Variants in KNG1 observed in about 807,000 individuals in gnomAD.
KNG1 encodes kininogen 1, also known as kininogen-1.
KNG1 carries 23 observed loss-of-function variants against 47.8 expected under a neutral mutation model. The observed-to-expected ratio is 0.48, with a 90% CI of 0.35 to 0.68. The LOEUF (loss-of-function observed/expected upper bound fraction) is 0.68, where lower values mean the gene tolerates loss of function less well. Ranked by LOEUF, KNG1 falls within the 30% of genes least tolerant of loss-of-function variation. KNG1 has a pLI of 0.01. For missense variants in KNG1, 762 were observed against 790.2 expected (o/e 0.96, Z 0.43); for synonymous variants, 277 against 277.0 (o/e 1.00, Z 0.00).
rs1380132765 is a variant in KNG1 at position 186,732,846 on chromosome 3, C to G, written c.930+172C>G. Among the ~76,000 whole-genome samples the G allele has an allele frequency of 5.3e-5, 8 of 152,262 alleles. No homozygotes were observed. The East Asian group carries it at 1.5e-3, about 29-fold the overall frequency. On this transcript the variant is annotated intron_variant, in intron 7 of 9. Coordinates refer to ENST00000644859, the MANE Select transcript of KNG1 (RefSeq NM_001102416.3). ...ATCTCCCTGTATGCTTCATCCCGGA[C>G]AAGTATTTTACAACATTCTCTCTGT...
chr3:186,731,909 T>C (rs1312653167), intron 6 of KNG1, among the ~76,000 whole-genome samples: 1 of 152,248 alleles, frequency 6.6e-6, no homozygotes, highest in Non-Finnish European at 1.5e-5. Context: ...ATCTGGTCTC[T>C]CTTCTCTGTA....
chr3:186,731,691 G>C, intron 6 of KNG1, 62 bp downstream of exon 6: 1 of 1,088,680 alleles, frequency 9.2e-7, no homozygotes, highest in Non-Finnish European at 1.4e-6. Context: ...AACTGGCTGA[G>C]TCTTTTCCTA....
At chr3:186,725,760 G>C (rs896300600) in intron 4 of KNG1, among the ~76,000 whole-genome samples, 1 of 150,496 alleles carries the variant, frequency 6.6e-6, no homozygotes, top group Non-Finnish European at 1.5e-5. Flanking sequence ...CACCATGTTA[G>C]CCAGGATGGT....
At chr3:186,722,643 G>C in intron 3 of KNG1, 122 bp downstream of exon 3, 1 of 791,640 alleles carries the variant, frequency 1.3e-6, no homozygotes, top group South Asian at 1.5e-5. Flanking sequence ...GCCATTTGCA[G>C]AGTTAGGGAG....
chr3:186,735,281 C>T lies in KNG1; in HGVS notation c.930+2607C>T, dbSNP rs142274305. Among the ~76,000 whole-genome samples the T allele has an allele frequency of 2.3e-3, 355 of 151,920 alleles. 4 individuals carry two copies. The highest frequency in any genetic ancestry group is 8.3e-3 in the African/African-American group (345 of 41,444). On this transcript the variant is annotated intron_variant, in intron 7 of 9. Transcript: ENST00000644859. Reference sequence around the variant, plus strand: ...CAGGAGGATCACTTGAGCCCAGGAGCGAGACCAGCTGGAGCAACATAGCAA... The same window carrying T: ...CAGGAGGATCACTTGAGCCCAGGAGTGAGACCAGCTGGAGCAACATAGCAA...
intron 7 of KNG1, chr3:186,736,079 A>G (rs1333000954): frequency 6.6e-6 from 1 of 152,240 alleles, no homozygotes; most frequent in Admixed American, 6.5e-5. Context: ...TTCTCTGTGG[A>G]TTAATGAATC....
In KNG1 at chr3:186,732,372, C is replaced by T. The variant is rs143148356; in HGVS notation, c.758-130C>T. 6.0e-4 allele frequency: 473 copies of T among 794,050 alleles called. 5 individuals carry two copies. The East Asian group carries it at 9.7e-3, about 16-fold the overall frequency. 49.2% of individuals were successfully genotyped at this position (794,050 alleles called of 1,614,324 possible). The stretch of plus-strand genomic sequence containing the variant: ...GTGAAAGTCAGACAGACAACCTTCC[C>T]CCACTCACTACTGGGCCTGGGCTCC... On this transcript the variant is annotated intron_variant, in intron 6 of 9. Transcript: ENST00000644859.
In KNG1 at chr3:186,720,215, A is replaced by T. The variant is rs776257217; in HGVS notation, c.306A>T (p.Ala102=). 2 of 1,601,302 alleles carry T rather than the reference A, an allele frequency of 1.2e-6. No homozygotes were observed. The highest frequency in any genetic ancestry group is 3.3e-5 in the Admixed American group (2 of 60,000). Residue 102 remains alanine, a splice_region_variant and synonymous_variant, in exon 2 of 10, where the codon GCA becomes GCT. Coordinates refer to ENST00000644859, the MANE Select transcript of KNG1 (RefSeq NM_001102416.3). ...QDCEYKDAAK[A]ATGECTATVG... is the part of the protein sequence containing the mutation. ...GTGAGTACAAGGATGCTGCAAAAGC[A>T]GTAAGTGTATTGGCCATTCTTGGGC...
rs966615543 is a variant in KNG1 at position 186,717,361 on chromosome 3, T to C, written c.-182T>C. The C allele has an allele frequency of 1.3e-5, 8 of 619,832 alleles. No individual in the cohort carries two copies. Among genetic ancestry groups the C allele is most frequent in the Non-Finnish European group, 2.3e-5 (8 of 347,272 alleles). 38.4% of individuals were successfully genotyped at this position (619,832 alleles called of 1,614,324 possible). ...TGTTTGGATAACCCAGCAGAGCCAT[T>C]TAACCTTTGGGAACAAGGCAACTAG... On this transcript the variant is annotated 5_prime_UTR_variant, in exon 1 of 10. Transcript: ENST00000644859.
chr3:186,717,597 C>T lies in KNG1; in HGVS notation c.55C>T (p.Gln19Ter), dbSNP rs1461448369. The change falls in exon 1 of 10, where the codon CAG becomes TAG. Residue 19 changes from glutamine to a stop codon, truncating the protein, a stop_gained. Coordinates refer to ENST00000644859, the MANE Select transcript of KNG1 (RefSeq NM_001102416.3). LOFTEE classifies it high-confidence loss of function. ...LCSRLLLSLT[Q>*]ESQSEEIDCN... ...CTCCAGGCTGCTACTAAGTTTAACCCAGGAATCACAGTCCGAGGAAATTGA... is the reference window on the plus strand; with the variant it reads ...CTCCAGGCTGCTACTAAGTTTAACCTAGGAATCACAGTCCGAGGAAATTGA... 4.3e-6 allele frequency: 7 copies of T among 1,612,726 alleles called. No homozygotes were observed. Among genetic ancestry groups the T allele is most frequent in the Admixed American group, 1.7e-5 (1 of 59,992 alleles).
rs200048853 is a variant in KNG1 at position 186,739,430 on chromosome 3, C to G, written c.1125+16C>G. The G allele has an allele frequency of 6.6e-7, 1 of 1,522,562 alleles. No individual in the cohort carries two copies. The highest frequency in any genetic ancestry group is 1.7e-5 in the Admixed American group (1 of 59,882). 94.3% of individuals were successfully genotyped at this position (1,522,562 alleles called of 1,614,324 possible). On this transcript the variant is annotated intron_variant, in intron 9 of 9. Transcript: ENST00000644859. Reference sequence around the variant, plus strand: ...ACTGGGAATGGTATGATTCTAATTACAGTCAGCGTGGGGTCAGTTCTGCTC... The same window carrying G: ...ACTGGGAATGGTATGATTCTAATTAGAGTCAGCGTGGGGTCAGTTCTGCTC...
chr3:186,722,210 C>T, intron 2 of KNG1: 1 of 517,714 alleles, frequency 1.9e-6, no homozygotes. Context: ...AAAACCTCAT[C>T]ATTTACACTG....
intron 9 of KNG1, among the ~76,000 whole-genome samples, chr3:186,740,975 G>GT (rs201397028): frequency 0.039 from 5,292 of 135,468 alleles, 163 homozygotes; most frequent in African/African-American, 0.1. Flanking sequence ...GGGTTTTTTT[G>GT]TTTTTTTTTT....
Position 186,741,863 on chromosome 3 carries a change from T to A in KNG1, c.1467T>A (p.His489Gln), listed in dbSNP as rs760848286. The A allele has an allele frequency of 6.2e-7, 1 of 1,613,872 alleles. No individual in the cohort carries two copies. Among genetic ancestry groups the A allele is most frequent in the South Asian group, 1.1e-5 (1 of 91,040 alleles). Residue 489 changes from histidine to glutamine, a missense_variant, in exon 10 of 10, where the codon CAT (histidine) becomes CAA (glutamine). Coordinates refer to ENST00000644859, the MANE Select transcript of KNG1 (RefSeq NM_001102416.3). The stretch of plus-strand genomic sequence containing the variant: ...ATGATCTTGAACACCAAGGGGGCCA[T>A]GTCCTTGACCATGGACATAAGCATA... ...LDDDLEHQGG[H>Q]VLDHGHKHKH...
intron 5 of KNG1, among the ~76,000 whole-genome samples, chr3:186,731,249 T>C (rs1167568471): frequency 6.6e-6 from 1 of 152,214 alleles, no homozygotes; most frequent in Non-Finnish European, 1.5e-5. Context: ...GTTTTAACAG[T>C]GTGAAAGTCT....
rs1199023798 is a variant in KNG1, at chr3:186,742,302, T to C, written c.1906T>C (p.Tyr636His). ...NPTTQMKESY[Y>H]FDLTDGLS ...AACCACACAAATGAAAGAATCTTAT[T>C]ATTTCGATCTCACTGATGGCCTTTC... is the stretch of plus-strand genomic sequence containing the variant. The change falls in exon 10 of 10, where the codon TAT (tyrosine) becomes CAT (histidine). Residue 636 changes from tyrosine to histidine, a missense_variant. By Grantham distance (83) the Tyr-to-His change is moderately conservative (BLOSUM62 2). Transcript: ENST00000644859. 1.9e-6 allele frequency: 3 copies of C among 1,614,180 alleles called. No individual in the cohort carries two copies. The highest frequency in any genetic ancestry group is 1.7e-5 in the Admixed American group (1 of 60,014).
At chr3:186,725,543 A>ATTTTTTTTTTTTTT (rs71167003) in intron 4 of KNG1, among the ~76,000 whole-genome samples, 3,360 of 87,498 alleles carry the variant, frequency 0.038, 726 homozygotes, top group South Asian at 0.077. Flanking sequence ...CGGCCTTAGG[A>ATTTTTTTTTTTTTT]TTTTTTTTTT....
chr3:186,719,597 A>T (rs182665559), intron 1 of KNG1, among the ~76,000 whole-genome samples: 13 of 152,094 alleles, frequency 8.5e-5, no homozygotes, highest in Non-Finnish European at 1.6e-4. Flanking sequence ...GGCGTGGTGG[A>T]GGGCGCCTGT....
intron 7 of KNG1, 35 bp downstream of exon 7, chr3:186,732,709 T>C: frequency 6.4e-7 from 1 of 1,558,870 alleles, no homozygotes; most frequent in Non-Finnish European, 8.9e-7. Flanking sequence ...AGTAACACTA[T>C]AGTCTATGTG....
Sources: allele counts gnomAD v4.1 joint callset (sites outside exome capture counted in the v4.1 genomes callset), GRCh38; gene constraint gnomAD v4.1.1; transcripts MANE v1.5; gene names NCBI Gene and HGNC (gene_info 2026-07-23, HGNC 2026-07-21).